DCAF7: variants seen among roughly 807,000 people sequenced by gnomAD.
DCAF7 encodes DDB1- and CUL4-associated factor 7.
Under a neutral mutation model 41.2 loss-of-function variants are expected in DCAF7, and 4 were observed. The ratio of observed to expected loss-of-function variants is 0.10; its 90% CI spans 0.05 to 0.22. The LOEUF (loss-of-function observed/expected upper bound fraction) is 0.22. DCAF7 is among the 10% of genes least tolerant of loss of function. DCAF7 has a pLI of 1.00. For missense variants in DCAF7, 131 were observed against 443.2 expected (o/e 0.30, Z 6.32); for synonymous variants, 143 against 164.2 (o/e 0.87, Z 0.99).
rs1193669191 is a variant in DCAF7 at position 63,590,322 on chromosome 17, G to A, written c.*1150G>A. 1 of 152,590 alleles carries A rather than the reference G, an allele frequency of 6.6e-6. No individual in the cohort carries two copies. Among genetic ancestry groups the A allele is most frequent in the Non-Finnish European group, 1.5e-5 (1 of 68,122 alleles). The allele number at this position is 152,590 out of a possible 1,614,324, so 9.5% of individuals were successfully genotyped here. A position where few individuals can be genotyped will look rare whatever the true frequency, so the allele number is the denominator to read the frequency against. Reference sequence around the variant, plus strand: ...ACCCTGAACAAGACCTTACATGAGAGATGGACTGATGGACTGCGGCAATCC... The same window carrying A: ...ACCCTGAACAAGACCTTACATGAGAAATGGACTGATGGACTGCGGCAATCC... On this transcript the variant is annotated 3_prime_UTR_variant, in exon 7 of 7. Coordinates refer to ENST00000614556, the MANE Select transcript of DCAF7 (RefSeq NM_005828.5).
rs1355695691 is a variant in DCAF7, at chr17:63,589,526, G to C, written c.*354G>C. ...TCTATTCCTCTGCCCAGGTGTCTCT[G>C]TTTGCTGCCCAAGGCAGCAGTTCAT... On this transcript the variant is annotated 3_prime_UTR_variant, in exon 7 of 7. Coordinates refer to ENST00000614556, the MANE Select transcript of DCAF7 (RefSeq NM_005828.5). 8.9e-6 allele frequency: 3 copies of C among 335,988 alleles called. No individual in the cohort carries two copies. The highest frequency in any genetic ancestry group is 1.7e-5 in the Non-Finnish European group (3 of 172,234). 20.8% of individuals were successfully genotyped at this position (335,988 alleles called of 1,614,324 possible).
chr17:63,582,042 T>C (rs1443381446), intron 4 of DCAF7, among the ~76,000 whole-genome samples: 1 of 152,068 alleles, frequency 6.6e-6, no homozygotes, highest in Non-Finnish European at 1.5e-5. Flanking sequence ...TCCCTGAGGG[T>C]TACCAGGAGC....
intron 1 of DCAF7, among the ~76,000 whole-genome samples, chr17:63,570,882 A>T (rs1269754372): frequency 6.6e-6 from 1 of 152,162 alleles, no homozygotes; most frequent in Admixed American, 6.5e-5. Flanking sequence ...AAATTTTAAA[A>T]TTTTTTGAAA....
At chr17:63,567,692 C>T (rs886090202) in intron 1 of DCAF7, among the ~76,000 whole-genome samples, 2 of 152,098 alleles carry the variant, frequency 1.3e-5, no homozygotes, top group African/African-American at 4.8e-5. Context: ...CAAGGTCTCA[C>T]TTTGTTGCCC....
chr17:63,567,566 C>T (rs1285576828), intron 1 of DCAF7, among the ~76,000 whole-genome samples: 1 of 152,192 alleles, frequency 6.6e-6, no homozygotes. Flanking sequence ...AATTTCTGGT[C>T]AGAAATATTA....
Position 63,559,177 on chromosome 17 carries a change from G to T in DCAF7, c.138+8362G>T, listed in dbSNP as rs529187486. 2.4e-4 allele frequency among the ~76,000 whole-genome samples: 36 copies of T among 151,164 alleles called. 1 individual carries two copies. Among genetic ancestry groups the T allele is most frequent in the South Asian group, 1.5e-3 (7 of 4,788 alleles). On this transcript the variant is annotated intron_variant, in intron 1 of 6. Coordinates refer to ENST00000614556, the MANE Select transcript of DCAF7 (RefSeq NM_005828.5). ...ATACGAAAAATTAGCCAGGCATGGTGGTGGGCACCTGTAATCCTCGCTACT... is the reference window on the plus strand; with the variant it reads ...ATACGAAAAATTAGCCAGGCATGGTTGTGGGCACCTGTAATCCTCGCTACT...
intron 1 of DCAF7, among the ~76,000 whole-genome samples, chr17:63,562,732 C>T (rs972421892): frequency 9.4e-5 from 13 of 138,928 alleles, no homozygotes; most frequent in African/African-American, 1.6e-4. Context: ...TGTTCCCCTT[C>T]CTGTGTCCGT....
chr17:63,572,222 A>T (rs80220770), intron 1 of DCAF7, among the ~76,000 whole-genome samples: 3,511 of 152,286 alleles, frequency 0.023, 129 homozygotes, highest in African/African-American at 0.08. Context: ...GGTACTGTGA[A>T]TATCCTCACT....
intron 2 of DCAF7, 57 bp downstream of exon 2, chr17:63,578,685 A>G: frequency 6.2e-7 from 1 of 1,609,470 alleles, no homozygotes; most frequent in Non-Finnish European, 8.5e-7. Flanking sequence ...CTCAGCTGTT[A>G]GCAGTGAAAA....
intron 4 of DCAF7, among the ~76,000 whole-genome samples, chr17:63,580,881 T>C (rs561469016): frequency 6.6e-6 from 1 of 152,256 alleles, no homozygotes; most frequent in South Asian, 2.1e-4. Context: ...ATAAGTCTTT[T>C]CCTCCTACAG....
chr17:63,574,076 CG>C lies in DCAF7; in HGVS notation c.139-4393del, dbSNP rs750509239. Among the ~76,000 whole-genome samples, 91 of 152,292 alleles carry C rather than the reference CG, an allele frequency of 6.0e-4. 1 individual carries two copies. The highest frequency in any genetic ancestry group is 9.3e-4 in the Non-Finnish European group (63 of 68,038). On this transcript the variant is annotated intron_variant, in intron 1 of 6. Coordinates refer to ENST00000614556, the MANE Select transcript of DCAF7 (RefSeq NM_005828.5). ...CAGCTGCATCTCCGCTGCACTCCCA[CG>C]TGGCTCTCTCAAACAGGCCTGCTTG...
chr17:63,556,125 G>A (rs1440098238), intron 1 of DCAF7, among the ~76,000 whole-genome samples: 1 of 152,240 alleles, frequency 6.6e-6, no homozygotes, highest in Admixed American at 6.5e-5. Context: ...AGAATATTGT[G>A]TTAGCCGATT....
chr17:63,579,086 G>T (rs913374781), intron 2 of DCAF7, among the ~76,000 whole-genome samples: 3 of 152,162 alleles, frequency 2.0e-5, no homozygotes, highest in Non-Finnish European at 4.4e-5. Context: ...GAGGTTCCAG[G>T]CTGGGCAAAG....
intron 4 of DCAF7, among the ~76,000 whole-genome samples, chr17:63,580,387 A>G (rs974395845): frequency 6.6e-6 from 1 of 151,352 alleles, no homozygotes; most frequent in Non-Finnish European, 1.5e-5. Flanking sequence ...AAATCCTAGT[A>G]TGTTCACTTA....
chr17:63,569,062 T>C (rs948069198), intron 1 of DCAF7, among the ~76,000 whole-genome samples: 3 of 152,208 alleles, frequency 2.0e-5, no homozygotes, highest in South Asian at 2.1e-4. Context: ...CACTGGGAGC[T>C]TTAATAGATA....
intron 1 of DCAF7, among the ~76,000 whole-genome samples, chr17:63,557,925 C>T (rs2033327417): frequency 6.6e-6 from 1 of 152,118 alleles, no homozygotes. Flanking sequence ...GAGACAGTGT[C>T]TCACTCTGTT....
At chr17:63,564,199 A>G (rs2033416999) in intron 1 of DCAF7, among the ~76,000 whole-genome samples, 1 of 151,314 alleles carries the variant, frequency 6.6e-6, no homozygotes, top group Non-Finnish European at 1.5e-5. Context: ...GTTTTGTTTG[A>G]TTTTATATGA....
chr17:63,563,490 T>C (rs2033405733), intron 1 of DCAF7, among the ~76,000 whole-genome samples: 1 of 152,172 alleles, frequency 6.6e-6, no homozygotes, highest in Non-Finnish European at 1.5e-5. Flanking sequence ...GTTAGGACAT[T>C]GGCCTCCAGA....
At chr17:63,559,325 A>ATG (rs1489943967) in intron 1 of DCAF7, among the ~76,000 whole-genome samples, 2 of 75,602 alleles carry the variant, frequency 2.6e-5, no homozygotes, top group African/African-American at 1.8e-4. Context: ...ATATATGTAT[A>ATG]TATATATACA....
Sources: gnomAD v4.1 joint callset for allele counts (sites outside exome capture counted in the v4.1 genomes callset) on GRCh38, gnomAD v4.1.1 for gene constraint, MANE v1.5 for transcripts, NCBI Gene and HGNC (gene_info 2026-07-23, HGNC 2026-07-21) for gene names.